Variants in ABLIM1 observed in about 807,000 individuals in gnomAD.
ABLIM1 encodes actin binding LIM protein 1.
ABLIM1 carries 40 observed loss-of-function variants against 107.0 expected under a neutral mutation model. That is an observed-to-expected ratio of 0.37 (90% CI 0.29 to 0.49). The LOEUF (loss-of-function observed/expected upper bound fraction) is 0.49. Ranked by LOEUF, ABLIM1 falls within the 20% of genes least tolerant of loss-of-function variation. ABLIM1 has a pLI of 0.97. For synonymous variants in ABLIM1, 357 were observed against 357.3 expected, an observed-to-expected ratio of 1.00 and a Z score of 0.01; for missense variants, 857 against 1,008.5, an observed-to-expected ratio of 0.85 and a Z score of 2.04.
At chr10:114,516,979 T>C (rs1010035749) in intron 6 of ABLIM1, among the ~76,000 whole-genome samples, 1 of 152,182 alleles carries the variant, frequency 6.6e-6, no homozygotes, top group African/African-American at 2.4e-5. Context: ...GTAGATGCCA[T>C]TCCTTGGGAC....
chr10:114,741,725 T>C (rs1025332979), intron 1 of ABLIM1, among the ~76,000 whole-genome samples: 1 of 152,192 alleles, frequency 6.6e-6, no homozygotes, highest in African/African-American at 2.4e-5. Flanking sequence ...AATAAGTATA[T>C]GGATAAAGGT....
chr10:114,479,766 G>T (rs1319528215), intron 8 of ABLIM1, among the ~76,000 whole-genome samples: 1 of 152,070 alleles, frequency 6.6e-6, no homozygotes, highest in Non-Finnish European at 1.5e-5. Flanking sequence ...TTTAAAAATT[G>T]AATGATTATT....
chr10:114,657,965 T>C lies in ABLIM1; in HGVS notation c.236A>G (p.Asp79Gly), dbSNP rs1381387926. 1.9e-6 allele frequency: 3 copies of C among 1,611,346 alleles called. No homozygotes were observed. Among genetic ancestry groups the C allele is most frequent in the Non-Finnish European group, 2.5e-6 (3 of 1,178,110 alleles). The change falls in exon 1 of 23, where the codon GAT (aspartate) becomes GGT (glycine). Residue 79 changes from aspartate (D) to glycine (G), a missense_variant. By Grantham distance (94) the Asp-to-Gly change is moderately conservative (BLOSUM62 -1). Around this residue, in one of 5 missense-constraint regions of ABLIM1, gnomAD observed 176 missense variants for 173.5 expected, o/e 1.01. Transcript: ENST00000533213. ...AGGGTTATTTTACTTACCAAAAGGATCAACGCTGTTACATACACGCCCACG... is the reference window on the plus strand; with the variant it reads ...AGGGTTATTTTACTTACCAAAAGGACCAACGCTGTTACATACACGCCCACG... ...CPRGRVCNSV[D>G]PFVAHPQDPH...
At chr10:114,761,484 A>G (rs1283920124) in intron 1 of ABLIM1, among the ~76,000 whole-genome samples, 1 of 152,108 alleles carries the variant, frequency 6.6e-6, no homozygotes, top group Non-Finnish European at 1.5e-5. Context: ...AGGACATTTC[A>G]AACTTGTCAT....
intron 20 of ABLIM1, 137 bp downstream of exon 20, chr10:114,439,945 A>G (rs2059960258): frequency 6.9e-7 from 1 of 1,449,950 alleles, no homozygotes; most frequent in Non-Finnish European, 9.4e-7. Context: ...CTTCACGGCT[A>G]TAGAGTAATG....
intron 1 of ABLIM1, among the ~76,000 whole-genome samples, chr10:114,726,473 G>A (rs1028565775): frequency 6.6e-6 from 1 of 152,088 alleles, no homozygotes; most frequent in African/African-American, 2.4e-5. Flanking sequence ...GCAAAAGCAG[G>A]AGAAAGGGAG....
chr10:114,650,970 G>A (rs567865919), intron 1 of ABLIM1, among the ~76,000 whole-genome samples: 16 of 152,150 alleles, frequency 1.1e-4, no homozygotes, highest in South Asian at 8.3e-4. Flanking sequence ...TTTTATATAC[G>A]AGAAAACTAA....
At chr10:114,613,874 G>T (rs115157409) in intron 1 of ABLIM1, 11 of 213,444 alleles carry the variant, frequency 5.2e-5, no homozygotes, top group Non-Finnish European at 7.3e-5. Context: ...GCAAGAAAAT[G>T]CAAACACATA....
intron 1 of ABLIM1, among the ~76,000 whole-genome samples, chr10:114,616,480 C>T (rs564591949): frequency 8.5e-5 from 13 of 152,214 alleles, no homozygotes; most frequent in Non-Finnish European, 1.5e-4. Flanking sequence ...ACTGAAAATC[C>T]AACAGGTCCA....
Position 114,436,385 on chromosome 10 carries a change from A to G in ABLIM1, c.2224-12T>C, listed in dbSNP as rs368674967. On this transcript the variant is annotated splice_polypyrimidine_tract_variant and intron_variant, in intron 22 of 22. Coordinates refer to ENST00000533213, the MANE Select transcript of ABLIM1 (RefSeq NM_002313.7). ...GGGGCTAAGTGGCGCTGGGAAGAAG[A>G]AAAAAAAAAAAGAGCTGCTGTCAGT... 20 of 626,286 alleles carry G rather than the reference A, an allele frequency of 3.2e-5. No homozygotes were observed. The highest frequency in any genetic ancestry group is 1.2e-4 in the Admixed American group (3 of 24,764). 38.8% of individuals were successfully genotyped at this position (626,286 alleles called of 1,614,324 possible). A position where few individuals can be genotyped will look rare whatever the true frequency, so the allele number is the denominator to read the frequency against.
At chr10:114,475,754 G>A (rs2056270048) in intron 8 of ABLIM1, among the ~76,000 whole-genome samples, 1 of 152,168 alleles carries the variant, frequency 6.6e-6, no homozygotes, top group East Asian at 1.9e-4. Context: ...GTGGTTATGT[G>A]AGCAGGAAGG....
chr10:114,768,921 A>C (rs191852065), upstream of ABLIM1, among the ~76,000 whole-genome samples: 1 of 152,148 alleles, frequency 6.6e-6, no homozygotes, highest in Non-Finnish European at 1.5e-5. Context: ...AGGTTTATCA[A>C]CTAGCGCTTG....
intron 1 of ABLIM1, among the ~76,000 whole-genome samples, chr10:114,732,474 C>T (rs917206195): frequency 1.3e-5 from 2 of 151,728 alleles, no homozygotes; most frequent in African/African-American, 2.4e-5. Context: ...AAAATAGACC[C>T]TTATCAGATA....
At chr10:114,487,483 C>T (rs1447180224) in intron 8 of ABLIM1, among the ~76,000 whole-genome samples, 1 of 152,166 alleles carries the variant, frequency 6.6e-6, no homozygotes, top group African/African-American at 2.4e-5. Flanking sequence ...TTATTATTTT[C>T]CCCAAAGGTT....
In ABLIM1 at chr10:114,507,694, AG is replaced by A. The variant is rs547538677; in HGVS notation, c.895-15817del. 1.3e-3 allele frequency among the ~76,000 whole-genome samples: 193 copies of A among 152,334 alleles called. 1 individual carries two copies. The highest frequency in any genetic ancestry group is 2.5e-3 in the Non-Finnish European group (169 of 68,026). ...CAGGAGGGCCTGTTAGAGGAGATCTAGGGACCGTGCCATGGCTGGACACTGA... is the reference window on the plus strand; with the variant it reads ...CAGGAGGGCCTGTTAGAGGAGATCTAGGACCGTGCCATGGCTGGACACTGA... On this transcript the variant is annotated intron_variant, in intron 6 of 22. Transcript: ENST00000533213.
chr10:114,796,252 G>A, the ABLIM1 span, among the ~76,000 whole-genome samples: 16 of 152,306 alleles, frequency 1.1e-4, no homozygotes, highest in African/African-American at 2.2e-4. Context: ...CAGGAGTGGC[G>A]TAACAGGTCC....
intron 14 of ABLIM1, among the ~76,000 whole-genome samples, chr10:114,449,337 C>T (rs1031256568): frequency 6.6e-6 from 1 of 152,198 alleles, no homozygotes; most frequent in African/African-American, 2.4e-5. Flanking sequence ...ATTTTAAAAT[C>T]TGGAAATAAC....
At chr10:114,443,383 G>C (rs929444861) in intron 17 of ABLIM1, among the ~76,000 whole-genome samples, 54 of 151,036 alleles carry the variant, frequency 3.6e-4, no homozygotes, top group African/African-American at 1.2e-3. Flanking sequence ...TGTGATCTCA[G>C]CTCACTGCAA....
chr10:114,686,472 C>T (rs2080938872), upstream of ABLIM1, among the ~76,000 whole-genome samples: 1 of 151,528 alleles, frequency 6.6e-6, no homozygotes, highest in Non-Finnish European at 1.5e-5. Context: ...ATGATCACAC[C>T]ACTGCATGCC....
Sources: gnomAD v4.1 joint callset for allele counts (sites outside exome capture counted in the v4.1 genomes callset) on GRCh38, gnomAD v4.1.1 for gene constraint, gnomAD v4.1.1 regional missense constraint, MANE v1.5 for transcripts, NCBI Gene and HGNC (gene_info 2026-07-23, HGNC 2026-07-21) for gene names.